Variants in DNAH2 observed in about 807,000 individuals in gnomAD.
DNAH2 encodes the protein dynein axonemal heavy chain 2, also known as axonemal beta dynein heavy chain 2.
A neutral mutation model predicts 523.5 loss-of-function variants in DNAH2; 323 were observed. The observed-to-expected ratio is 0.62, with a 90% CI of 0.56 to 0.68. DNAH2 has a LOEUF of 0.68. Among genes scored for constraint, DNAH2 ranks in the 30% least tolerant of loss-of-function variants. DNAH2 has a pLI of 0.00. For synonymous variants in DNAH2, 2,093 were observed against 2,177.4 expected (o/e 0.96, Z 1.08); for missense variants, 4,907 against 5,701.5 (o/e 0.86, Z 4.49).
In DNAH2 at chr17:7,831,586, G is replaced by A. The variant is rs1313469955; in HGVS notation, c.12611+45G>A. The stretch of plus-strand genomic sequence containing the variant: ...TGCGGAACAGGGGAGGGTGTGAGGA[G>A]AAGCCTTTGCCTTCTGGCTAGAATG... On this transcript the variant is annotated intron_variant, in intron 81 of 85. Transcript: ENST00000572933. This position sits in a 1 kb window ranked among gnomAD's most constrained non-coding sequence, Gnocchi z 4.2. 1.2e-6 allele frequency: 2 copies of A among 1,613,658 alleles called. No homozygotes were observed. The highest frequency in any genetic ancestry group is 1.7e-6 in the Non-Finnish European group (2 of 1,179,764).
rs1211385526 is a variant in DNAH2 at position 7,816,693 on chromosome 17, G to A, written c.9852G>A (p.Ser3284=). Residue 3284 remains serine (S), a synonymous_variant, in exon 64 of 86, where the codon TCG becomes TCA. Transcript: ENST00000572933. ...TGGAGCGAGCTGGGATGCTCGTGTCGGGGTTGGCTGGCGAGAAGGCCAGAT... is the reference window on the plus strand; with the variant it reads ...TGGAGCGAGCTGGGATGCTCGTGTCAGGGTTGGCTGGCGAGAAGGCCAGAT... ...LKLERAGMLV[S]GLAGEKARWE... The A allele has an allele frequency of 3.7e-6, 6 of 1,614,024 alleles. No homozygotes were observed. The highest frequency in any genetic ancestry group is 2.2e-5 in the East Asian group (1 of 44,896).
intron 61 of DNAH2, among the ~76,000 whole-genome samples, chr17:7,806,080 T>A (rs2077359013): frequency 6.6e-6 from 1 of 152,234 alleles, no homozygotes; most frequent in South Asian, 2.1e-4. Flanking sequence ...AGATTTTTCG[T>A]CTTTACAATG....
intron 27 of DNAH2, 152 bp from the exon 28 acceptor site, chr17:7,771,178 C>G: frequency 8.0e-7 from 1 of 1,256,854 alleles, no homozygotes; most frequent in Non-Finnish European, 1.1e-6. Context: ...CCCCCTACCT[C>G]CAGCTTTCCT....
Position 7,778,371 on chromosome 17 carries a change from G to T in DNAH2, c.5443G>T (p.Asp1815Tyr), listed in dbSNP as rs779170553. ...CACAGGCAAGACCGAGACCGTCAAG[G>T]ACCTGGGCAAGGCCCTGGGCATATA... The part of the protein sequence containing the change: ...AGTGKTETVK[D>Y]LGKALGIYVI... Residue 1815 changes from aspartate (D) to tyrosine (Y), a missense_variant, in exon 35 of 86, where the codon GAC (aspartate) becomes TAC (tyrosine). Asp to Tyr is a radical substitution (Grantham distance 160). Transcript: ENST00000572933. The T allele has an allele frequency of 6.2e-7, 1 of 1,614,248 alleles. No individual in the cohort carries two copies. The highest frequency in any genetic ancestry group is 1.1e-5 in the South Asian group (1 of 91,086).
intron 28 of DNAH2, 43 bp downstream of exon 28, chr17:7,771,511 C>A (rs1357099621): frequency 6.2e-7 from 1 of 1,610,234 alleles, no homozygotes; most frequent in Admixed American, 1.7e-5. Flanking sequence ...CCTCGGCAGG[C>A]ACTCTGCTTG....
At chr17:7,734,413 G>A (rs551158095) in intron 6 of DNAH2, 57 bp from the exon 7 acceptor site, 18 of 1,602,982 alleles carry the variant, frequency 1.1e-5, no homozygotes, top group Non-Finnish European at 1.5e-5. Flanking sequence ...GGGAGTGAAG[G>A]ATGCTGTTGG....
intron 72 of DNAH2, among the ~76,000 whole-genome samples, chr17:7,820,993 C>T (rs563741119): frequency 1.3e-5 from 2 of 152,160 alleles, no homozygotes; most frequent in African/African-American, 4.8e-5. Context: ...GTGTCGAGAT[C>T]GTACCATGGT....
At chr17:7,803,879 G>A (rs556991757) in intron 58 of DNAH2, among the ~76,000 whole-genome samples, 1 of 152,112 alleles carries the variant, frequency 6.6e-6, no homozygotes, top group African/African-American at 2.4e-5. Flanking sequence ...TTCCCATAGG[G>A]AAAAAAAACC....
rs1296567619 is a variant in DNAH2, at chr17:7,754,095, G to A, written c.1905-2996G>A. ...GGGAGCCAGGTCTCAGGGATGAGGAGGGAATGGGAAGAAAAGAGTGACGGG... is the reference window on the plus strand; with the variant it reads ...GGGAGCCAGGTCTCAGGGATGAGGAAGGAATGGGAAGAAAAGAGTGACGGG... On this transcript the variant is annotated intron_variant, in intron 12 of 85. Coordinates refer to ENST00000572933, the MANE Select transcript of DNAH2 (RefSeq NM_020877.5). The surrounding 1 kb of genome is among the most constrained non-coding windows in gnomAD (Gnocchi z 4.6). Among the ~76,000 whole-genome samples, 2 of 152,098 alleles carry A rather than the reference G, an allele frequency of 1.3e-5. No homozygotes were observed. The highest frequency in any genetic ancestry group is 2.4e-5 in the African/African-American group (1 of 41,406).
Position 7,793,021 on chromosome 17 carries a change from T to C in DNAH2, c.7385T>C (p.Val2462Ala). 1 of 1,613,922 alleles carries C rather than the reference T, an allele frequency of 6.2e-7. No homozygotes were observed. Among genetic ancestry groups the C allele is most frequent in the East Asian group, 2.2e-5 (1 of 44,882 alleles). The change falls in exon 48 of 86, where the codon GTT becomes GCT. Residue 2462 changes from valine to alanine, a missense_variant. Val to Ala is a moderately conservative substitution (Grantham distance 64). Transcript: ENST00000572933. ...GTGCAGAGCATCATTGAGAGCAGGG[T>C]TGAGAAGCGAACCAAGGGTGTCTAC... ...NNVQSIIESR[V>A]EKRTKGVYVP... is the part of the protein sequence containing the mutation.
At position 7,797,698 on chromosome 17, in the gene DNAH2, C is replaced by T. The variant is rs2077104469; in HGVS notation, c.8099C>T (p.Pro2700Leu). ...PPIFGDFLKE[P>L]KVYEDLTDLT... The stretch of plus-strand genomic sequence containing the variant: ...GGCTCAGGGGATTTCCTGAAGGAGC[C>T]CAAGGTGTATGAAGACCTCACGGAT... The change falls in exon 53 of 86, where the codon CCC (proline) becomes CTC (leucine). Residue 2700 changes from proline (P) to leucine (L), a missense_variant. Pro to Leu is a moderately conservative substitution (Grantham distance 98). Coordinates refer to ENST00000572933, the MANE Select transcript of DNAH2 (RefSeq NM_020877.5). 6.2e-7 allele frequency: 1 copy of T among 1,613,926 alleles called. No individual in the cohort carries two copies. Among genetic ancestry groups the T allele is most frequent in the Non-Finnish European group, 8.5e-7 (1 of 1,180,022 alleles).
intron 12 of DNAH2, among the ~76,000 whole-genome samples, chr17:7,748,162 G>A (rs1166025347): frequency 2.0e-5 from 3 of 152,156 alleles, no homozygotes; most frequent in Non-Finnish European, 2.9e-5. Flanking sequence ...CTTTTATCAC[G>A]TTTTACGGAC....
At position 7,818,422 on chromosome 17, in the gene DNAH2, G is replaced by C; in HGVS notation, c.10498G>C (p.Ala3500Pro). ...SNPHYSPETS[A>P]KTTIVNFAVK... The stretch of plus-strand genomic sequence containing the variant: ...CCCCCACTACAGCCCAGAGACCTCA[G>C]CCAAGACCACCATCGTCAACTTTGC... The change falls in exon 69 of 86, where the codon GCC becomes CCC. Residue 3500 changes from alanine (A) to proline (P), a missense_variant. Coordinates refer to ENST00000572933, the MANE Select transcript of DNAH2 (RefSeq NM_020877.5). 3 of 1,614,244 alleles carry C rather than the reference G, an allele frequency of 1.9e-6. No homozygotes were observed. The highest frequency in any genetic ancestry group is 2.5e-6 in the Non-Finnish European group (3 of 1,180,042).
rs376871028 is a variant in DNAH2 at position 7,787,010 on chromosome 17, G to A, written c.6580G>A (p.Glu2194Lys). 7.4e-6 allele frequency: 12 copies of A among 1,614,046 alleles called. No individual in the cohort carries two copies. The highest frequency in any genetic ancestry group is 1.1e-5 in the South Asian group (1 of 91,090). Residue 2194 changes from glutamate (E) to lysine (K), a missense_variant, in exon 42 of 86, where the codon GAG becomes AAG. By Grantham distance (56) the Glu-to-Lys change is moderately conservative. This residue lies in a region of DNAH2 where 2,806 missense variants were observed against 3,190.8 expected (regional missense o/e 0.88). Coordinates refer to ENST00000572933, the MANE Select transcript of DNAH2 (RefSeq NM_020877.5). Reference protein sequence around the residue: ...DNKVLTLINGERIAMPEQVSL... With the variant: ...DNKVLTLINGKRIAMPEQVSL... Reference sequence around the variant, plus strand: ...CAAGGTGTTGACCCTCATCAACGGCGAGCGCATCGCGATGCCCGAGCAGGT... The same window carrying A: ...CAAGGTGTTGACCCTCATCAACGGCAAGCGCATCGCGATGCCCGAGCAGGT...
At chr17:7,802,655 C>A (rs1001572758) in intron 58 of DNAH2, among the ~76,000 whole-genome samples, 2 of 152,002 alleles carry the variant, frequency 1.3e-5, no homozygotes, top group African/African-American at 4.8e-5. Context: ...AGTGCAGATG[C>A]AAATTTTTTT....
In DNAH2 at chr17:7,754,647, G is replaced by T. The variant is rs1268514552; in HGVS notation, c.1905-2444G>T. 15 of 1,408,376 alleles carry T rather than the reference G, an allele frequency of 1.1e-5. No individual in the cohort carries two copies. Among genetic ancestry groups the T allele is most frequent in the Admixed American group, 1.7e-5 (1 of 59,506 alleles). The allele number at this position is 1,408,376 out of a possible 1,614,324, so 87.2% of individuals were successfully genotyped here. A position where few individuals can be genotyped will look rare whatever the true frequency, so the allele number is the denominator to read the frequency against. ...GGAGGTTAAGCCCAAGATCCCAAAG[G>T]GTGTCAGCCATAAACTTGATCGACT... On this transcript the variant is annotated intron_variant, in intron 12 of 85. Transcript: ENST00000572933. The surrounding 1 kb of genome is among the most constrained non-coding windows in gnomAD (Gnocchi z 4.6).
chr17:7,773,641 C>T (rs1252629225), intron 28 of DNAH2, among the ~76,000 whole-genome samples: 2 of 152,198 alleles, frequency 1.3e-5, no homozygotes, highest in Non-Finnish European at 2.9e-5. Flanking sequence ...GAGGCTGTAA[C>T]TTTTGCAGTT....
intron 42 of DNAH2, 117 bp from the exon 43 acceptor site, chr17:7,787,735 TAAAAAAAA>T: frequency 6.4e-6 from 6 of 933,328 alleles, no homozygotes; most frequent in Non-Finnish European, 8.7e-6. Context: ...GACTTTGTCT[TAAAAAAAA>T]AAAAAAAAAA....
chr17:7,798,495 A>G lies in DNAH2; in HGVS notation c.8399-63A>G. ...CGGGGAGGGTTCCTAAATCTCAGAAAAGGAATCAAGCCCAGGATGGGGAAT... is the reference window on the plus strand; with the variant it reads ...CGGGGAGGGTTCCTAAATCTCAGAAGAGGAATCAAGCCCAGGATGGGGAAT... On this transcript the variant is annotated intron_variant, in intron 54 of 85. Coordinates refer to ENST00000572933, the MANE Select transcript of DNAH2 (RefSeq NM_020877.5). This position sits in a 1 kb window ranked among gnomAD's most constrained non-coding sequence, Gnocchi z 5.5. 1.3e-6 allele frequency: 2 copies of G among 1,597,516 alleles called. No individual in the cohort carries two copies. Among genetic ancestry groups the G allele is most frequent in the Non-Finnish European group, 1.7e-6 (2 of 1,171,802 alleles).
Sources: allele counts gnomAD v4.1 joint callset (sites outside exome capture counted in the v4.1 genomes callset), GRCh38; gene constraint gnomAD v4.1.1; regional missense constraint gnomAD v4.1.1; non-coding constraint Gnocchi (gnomAD v3.1); transcripts MANE v1.5; gene names NCBI Gene and HGNC (gene_info 2026-07-23, HGNC 2026-07-21).